Variants in CNTN5 observed in about 807,000 individuals in gnomAD.
The protein encoded by CNTN5 is contactin-5.
In CNTN5, 77 loss-of-function variants were observed where a neutral mutation model predicts 129.1. That is an observed-to-expected ratio of 0.60 (90% CI 0.50 to 0.72). The LOEUF (loss-of-function observed/expected upper bound fraction) is 0.72, where lower values mean the gene tolerates loss of function less well. Among genes scored for constraint, CNTN5 ranks in the 30% least tolerant of loss-of-function variants. The pLI is 0.00. For missense variants in CNTN5, 1,478 were observed against 1,328.8 expected, an observed-to-expected ratio of 1.11 and a Z score of -1.75; for synonymous variants, 509 against 465.6, an observed-to-expected ratio of 1.09 and a Z score of -1.20.
chr11:99,937,428 AG>A (rs1950339297), intron 7 of CNTN5, among the ~76,000 whole-genome samples: 1 of 152,202 alleles, frequency 6.6e-6, no homozygotes, highest in South Asian at 2.1e-4. Context: ...TCTTCCCCTC[AG>A]GGAGAATGAA....
chr11:99,320,046 C>A (rs573741296), intron 1 of CNTN5, among the ~76,000 whole-genome samples: 99 of 152,212 alleles, frequency 6.5e-4, no homozygotes, highest in African/African-American at 2.3e-3. Context: ...TCGAGACCAG[C>A]CTGGCCAACA....
chr11:100,037,653 G>A (rs1170298239), intron 9 of CNTN5, among the ~76,000 whole-genome samples: 13 of 152,094 alleles, frequency 8.5e-5, no homozygotes, highest in Middle Eastern at 3.2e-3. Flanking sequence ...AGCTCCTGTT[G>A]TTGGTCTATT....
chr11:99,223,805 A>G (rs1341801632), intron 1 of CNTN5, among the ~76,000 whole-genome samples: 1 of 152,168 alleles, frequency 6.6e-6, no homozygotes, highest in Admixed American at 6.6e-5. Flanking sequence ...AAACAATTAT[A>G]TTCATTCTAA....
At chr11:99,467,449 C>CT (rs1244412502) in intron 2 of CNTN5, among the ~76,000 whole-genome samples, 4 of 152,086 alleles carry the variant, frequency 2.6e-5, no homozygotes, top group Non-Finnish European at 5.9e-5. Context: ...AAACAACTTT[C>CT]TTTTTTTGTT....
chr11:100,310,984 T>C (rs1951460364), intron 21 of CNTN5, among the ~76,000 whole-genome samples: 1 of 151,830 alleles, frequency 6.6e-6, no homozygotes, highest in Admixed American at 6.6e-5. Context: ...TCAGATTTCA[T>C]CCAAAGTATA....
intron 2 of CNTN5, among the ~76,000 whole-genome samples, chr11:99,553,038 G>A (rs982489069): frequency 1.3e-5 from 2 of 152,052 alleles, no homozygotes; most frequent in African/African-American, 2.4e-5. Flanking sequence ...GACTGAATCC[G>A]AACACTATTA....
chr11:99,137,007 T>C (rs1283051783), intron 1 of CNTN5, among the ~76,000 whole-genome samples: 2 of 152,200 alleles, frequency 1.3e-5, no homozygotes, highest in Non-Finnish European at 2.9e-5. Flanking sequence ...ACAAGCAATA[T>C]ATCTACTTAT....
chr11:99,469,228 A>G (rs1002807972), intron 2 of CNTN5, among the ~76,000 whole-genome samples: 1 of 152,128 alleles, frequency 6.6e-6, no homozygotes, highest in Admixed American at 6.5e-5. Flanking sequence ...GCGAATTTCT[A>G]TGGAGTCAAT....
At chr11:99,671,148 G>A (rs901658400) in intron 3 of CNTN5, among the ~76,000 whole-genome samples, 60 of 125,736 alleles carry the variant, frequency 4.8e-4, no homozygotes, top group African/African-American at 1.8e-3. Context: ...TGTAGATTGA[G>A]TTTTTTTTTT....
chr11:100,203,943 C>T (rs1012736112), intron 15 of CNTN5, among the ~76,000 whole-genome samples: 2 of 151,638 alleles, frequency 1.3e-5, no homozygotes, highest in Admixed American at 6.6e-5. Context: ...ATCATGTTCT[C>T]ACATGCTGAC....
intron 9 of CNTN5, among the ~76,000 whole-genome samples, chr11:100,025,456 C>T (rs540148370): frequency 3.9e-5 from 6 of 152,158 alleles, no homozygotes; most frequent in Non-Finnish European, 5.9e-5. Flanking sequence ...CCTGCAGAGT[C>T]CCCACTGGGG....
intron 16 of CNTN5, among the ~76,000 whole-genome samples, chr11:100,253,181 G>T (rs1950004763): frequency 6.6e-6 from 1 of 152,062 alleles, no homozygotes. Flanking sequence ...TCTTTCTTCA[G>T]TTGAAGATAC....
At chr11:100,084,518 T>C (rs1226064291) in intron 13 of CNTN5, among the ~76,000 whole-genome samples, 1 of 152,126 alleles carries the variant, frequency 6.6e-6, no homozygotes, top group East Asian at 1.9e-4. Context: ...TAATGAGAAT[T>C]AGAGGTTTGG....
At chr11:99,699,986 T>TATGAATAC (rs921725247) in intron 3 of CNTN5, among the ~76,000 whole-genome samples, 1 of 151,420 alleles carries the variant, frequency 6.6e-6, no homozygotes, top group African/African-American at 2.4e-5. Flanking sequence ...TGAATGAATA[T>TATGAATAC]ATGAATACAT....
In CNTN5 at chr11:99,415,083, G is replaced by A. The variant is rs528511805; in HGVS notation, c.-71+89599G>A. ...AAACACACTCTTTGGAATTATAGGCGTGAAAATGTGTGATATCTTTTCTTA... is the reference window on the plus strand; with the variant it reads ...AAACACACTCTTTGGAATTATAGGCATGAAAATGTGTGATATCTTTTCTTA... On this transcript the variant is annotated intron_variant, in intron 2 of 24. Coordinates refer to ENST00000524871, the MANE Select transcript of CNTN5 (RefSeq NM_014361.4). 7.9e-5 allele frequency among the ~76,000 whole-genome samples: 12 copies of A among 152,278 alleles called. No individual in the cohort carries two copies. The South Asian group carries it at 1.9e-3, about 24-fold the overall frequency.
chr11:99,512,535 C>G (rs977288402), intron 2 of CNTN5, among the ~76,000 whole-genome samples: 3 of 152,108 alleles, frequency 2.0e-5, no homozygotes, highest in African/African-American at 7.2e-5. Context: ...TTATTTATAA[C>G]GTGAAGGCTC....
intron 13 of CNTN5, among the ~76,000 whole-genome samples, chr11:100,108,496 G>C (rs1429701400): frequency 6.6e-6 from 1 of 152,052 alleles, no homozygotes; most frequent in Non-Finnish European, 1.5e-5. Flanking sequence ...CTTGCTAAAC[G>C]AACTAATAAA....
chr11:99,067,457 G>A (rs1241444853), intron 1 of CNTN5, among the ~76,000 whole-genome samples: 1 of 149,136 alleles, frequency 6.7e-6, no homozygotes, highest in East Asian at 2.0e-4. Context: ...ATCTTCCATA[G>A]AAGTCTGAGA....
chr11:100,018,335 GA>G (rs1293885135), intron 9 of CNTN5, among the ~76,000 whole-genome samples: 1 of 151,712 alleles, frequency 6.6e-6, no homozygotes, highest in Admixed American at 6.6e-5. Context: ...TCAACCCCAG[GA>G]AACTGATCCT....
Sources: gnomAD v4.1 joint callset for allele counts (sites outside exome capture counted in the v4.1 genomes callset) on GRCh38, gnomAD v4.1.1 for gene constraint, MANE v1.5 for transcripts, NCBI Gene and HGNC (gene_info 2026-07-23, HGNC 2026-07-21) for gene names.